SYT17: variants seen among roughly 807,000 people sequenced by gnomAD.
The protein encoded by SYT17 is synaptotagmin 17, also known as synaptotagmin-17.
A neutral mutation model predicts 46.7 loss-of-function variants in SYT17; 22 were observed. The ratio of observed to expected loss-of-function variants is 0.47; its 90% CI spans 0.34 to 0.67. The LOEUF (loss-of-function observed/expected upper bound fraction) is 0.67. Ranked by LOEUF, SYT17 falls within the 30% of genes least tolerant of loss-of-function variation. The probability of loss-of-function intolerance (pLI) is 0.01; values close to 1 mark genes in which losing one functional copy is unlikely to be tolerated. For synonymous variants in SYT17, 251 were observed against 248.4 expected (o/e 1.01, Z -0.10); for missense variants, 519 against 612.8 (o/e 0.85, Z 1.62).
chr16:19,222,319 A>G (rs1234269120), intron 5 of SYT17, among the ~76,000 whole-genome samples: 2 of 151,834 alleles, frequency 1.3e-5, no homozygotes, highest in Non-Finnish European at 2.9e-5. Context: ...AAGGGGACAG[A>G]GAAGTGGGAG....
At chr16:19,179,789 A>G (rs1385382420) in intron 3 of SYT17, among the ~76,000 whole-genome samples, 1 of 152,292 alleles carries the variant, frequency 6.6e-6, no homozygotes, top group South Asian at 2.1e-4. Context: ...CCAATTTCTC[A>G]GCAGTTCTTT....
At position 19,183,886 on chromosome 16, in the gene SYT17, C is replaced by G. The variant is rs149512546; in HGVS notation, c.690C>G (p.Tyr230Ter). Residue 230 changes from tyrosine (Y) to a stop codon, truncating the protein, a stop_gained, in exon 5 of 8, where the codon TAC becomes TAG. Coordinates refer to ENST00000355377, the MANE Select transcript of SYT17 (RefSeq NM_016524.4). LOFTEE classifies it high-confidence loss of function. The surrounding 1 kb of genome is among the most constrained non-coding windows in gnomAD (Gnocchi z 5.6). ...SRQDMAHSNP[Y>*]VKICLLPDQK... ...AGGACATGGCGCACTCCAACCCCTA[C>G]GTCAAGATCTGTCTCCTGCCAGACC... 1 of 1,614,224 alleles carries G rather than the reference C, an allele frequency of 6.2e-7. No individual in the cohort carries two copies. The highest frequency in any genetic ancestry group is 2.2e-5 in the East Asian group (1 of 44,886).
At chr16:19,265,331 A>G (rs548442214) in intron 7 of SYT17, among the ~76,000 whole-genome samples, 1 of 152,374 alleles carries the variant, frequency 6.6e-6, no homozygotes, top group South Asian at 2.1e-4. Flanking sequence ...CAAAAAATAT[A>G]CATGGTCCAA....
At chr16:19,243,754 G>T (rs1367094146) in intron 7 of SYT17, among the ~76,000 whole-genome samples, 1 of 146,600 alleles carries the variant, frequency 6.8e-6, no homozygotes, top group Non-Finnish European at 1.5e-5. Context: ...GGAGGCAGAG[G>T]TTGTGGTGAG....
chr16:19,184,159 G>A lies in SYT17; in HGVS notation c.951+12G>A. The A allele has an allele frequency of 1.3e-6, 2 of 1,594,648 alleles. No individual in the cohort carries two copies. Among genetic ancestry groups the A allele is most frequent in the Non-Finnish European group, 1.7e-6 (2 of 1,167,188 alleles). On this transcript the variant is annotated intron_variant, in intron 5 of 7. Transcript: ENST00000355377. ...TTCCCAGTTCTCAGGTAAGGGATGG[G>A]TTTGTGGTGTTTCCTCCTGGGAGCT...
chr16:19,185,411 A>G lies in SYT17; in HGVS notation c.951+1264A>G, dbSNP rs11644291. Among the ~76,000 whole-genome samples, 1,126 of 152,252 alleles carry G rather than the reference A, an allele frequency of 7.4e-3. 6 individuals carry two copies. The highest frequency in any genetic ancestry group is 0.01 in the Non-Finnish European group (706 of 68,014). On this transcript the variant is annotated intron_variant, in intron 5 of 7. Coordinates refer to ENST00000355377, the MANE Select transcript of SYT17 (RefSeq NM_016524.4). ...AGACCAGCCTGGGCAACACAGTGAGACCCCGTCTCTACAAAAAACAATTTA... is the reference window on the plus strand; with the variant it reads ...AGACCAGCCTGGGCAACACAGTGAGGCCCCGTCTCTACAAAAAACAATTTA...
intron 7 of SYT17, among the ~76,000 whole-genome samples, chr16:19,225,139 A>G (rs1025171760): frequency 7.2e-5 from 11 of 152,206 alleles, no homozygotes; most frequent in African/African-American, 2.7e-4. Context: ...AATGTGAACA[A>G]TAATAGTACG....
rs529794876 is a variant in SYT17, at chr16:19,265,297, A to T, written c.1229-1583A>T. On this transcript the variant is annotated intron_variant, in intron 7 of 7. Transcript: ENST00000355377. ...GCATGTAAATGAGGTCCACCTATGC[A>T]TACTGAGCATGTTACCAAATGTACA... is the stretch of plus-strand genomic sequence containing the variant. Among the ~76,000 whole-genome samples the T allele has an allele frequency of 2.6e-5, 4 of 152,348 alleles. No homozygotes were observed. The South Asian group carries it at 8.3e-4, about 32-fold the overall frequency.
At chr16:19,248,417 G>A (rs1477221178) in intron 7 of SYT17, among the ~76,000 whole-genome samples, 3 of 152,202 alleles carry the variant, frequency 2.0e-5, no homozygotes, top group Non-Finnish European at 4.4e-5. Context: ...AAAAAGGCAT[G>A]TATGCAGATG....
intron 7 of SYT17, among the ~76,000 whole-genome samples, chr16:19,236,224 T>C (rs1323416171): frequency 6.6e-6 from 1 of 152,220 alleles, no homozygotes; most frequent in Admixed American, 6.5e-5. Flanking sequence ...GGCAAGTTGC[T>C]TTACCACGCT....
chr16:19,215,642 C>T (rs964231427), intron 5 of SYT17, among the ~76,000 whole-genome samples: 4 of 152,118 alleles, frequency 2.6e-5, no homozygotes, highest in Admixed American at 6.5e-5. Flanking sequence ...GTCTTGAACT[C>T]CTGGCCTCAA....
chr16:19,196,361 G>C (rs1252162344), intron 5 of SYT17, among the ~76,000 whole-genome samples: 1 of 151,656 alleles, frequency 6.6e-6, no homozygotes, highest in Non-Finnish European at 1.5e-5. Flanking sequence ...TCCTGCCTCA[G>C]CCTCCTGAGT....
intron 7 of SYT17, among the ~76,000 whole-genome samples, chr16:19,247,383 G>A (rs1238047329): frequency 6.6e-6 from 1 of 152,182 alleles, no homozygotes; most frequent in East Asian, 1.9e-4. Flanking sequence ...GGGATGGCTG[G>A]ATCAAAGCAT....
In SYT17 at chr16:19,256,837, C is replaced by T. The variant is rs111584694; in HGVS notation, c.1229-10043C>T. On this transcript the variant is annotated intron_variant, in intron 7 of 7. Transcript: ENST00000355377. ...AAGCGATCCTCCCACCTTGGCCTCTCGAAGTGCTGGGATTACAGGCATAAG... is the reference window on the plus strand; with the variant it reads ...AAGCGATCCTCCCACCTTGGCCTCTTGAAGTGCTGGGATTACAGGCATAAG... 1.5e-4 allele frequency among the ~76,000 whole-genome samples: 23 copies of T among 152,168 alleles called. 1 individual carries two copies. Among genetic ancestry groups the T allele is most frequent in the African/African-American group, 5.1e-4 (21 of 41,524 alleles).
At chr16:19,257,374 G>A (rs1326156461) in intron 7 of SYT17, among the ~76,000 whole-genome samples, 1 of 148,690 alleles carries the variant, frequency 6.7e-6, no homozygotes, top group African/African-American at 2.5e-5. Flanking sequence ...CCCAGGGAAG[G>A]GATATGATGT....
chr16:19,178,318 C>T (rs557643998), intron 3 of SYT17, among the ~76,000 whole-genome samples: 58 of 152,084 alleles, frequency 3.8e-4, no homozygotes, highest in Middle Eastern at 3.4e-3. Context: ...ATGTCCTGAC[C>T]TCGTGATCCA....
intron 7 of SYT17, among the ~76,000 whole-genome samples, chr16:19,251,621 G>T (rs1968075245): frequency 6.6e-6 from 1 of 152,082 alleles, no homozygotes; most frequent in Admixed American, 6.6e-5. Context: ...AGACCTTAGG[G>T]CCCATGGGAA....
At chr16:19,178,331 C>T (rs545417879) in intron 3 of SYT17, among the ~76,000 whole-genome samples, 15 of 152,110 alleles carry the variant, frequency 9.9e-5, no homozygotes, top group East Asian at 3.9e-4. Flanking sequence ...GTGATCCACC[C>T]GCCTCAGCCT....
intron 5 of SYT17, among the ~76,000 whole-genome samples, chr16:19,215,893 G>A (rs545826695): frequency 3.3e-5 from 5 of 152,278 alleles, no homozygotes; most frequent in African/African-American, 1.2e-4. Flanking sequence ...AGCAAGTCAC[G>A]TCTTACATGG....
Sources: gnomAD v4.1 joint callset for allele counts (sites outside exome capture counted in the v4.1 genomes callset) on GRCh38, gnomAD v4.1.1 for gene constraint, Gnocchi (gnomAD v3.1) non-coding constraint, MANE v1.5 for transcripts, NCBI Gene and HGNC (gene_info 2026-07-23, HGNC 2026-07-21) for gene names.